The following DLGAP4 variants were observed in gnomAD, a reference collection of about 807,000 sequenced individuals.
DLGAP4 encodes disks large-associated protein 4.
DLGAP4 carries 18 observed loss-of-function variants against 86.9 expected under a neutral mutation model. The observed-to-expected ratio is 0.21, with a 90% CI of 0.14 to 0.31. The LOEUF (loss-of-function observed/expected upper bound fraction) is 0.31, where lower values mean the gene tolerates loss of function less well. DLGAP4 is among the 10% of genes least tolerant of loss of function. The pLI is 1.00. For missense variants in DLGAP4, 1,085 were observed against 1,362.6 expected (o/e 0.80, Z 3.21); for synonymous variants, 548 against 574.3 (o/e 0.95, Z 0.65).
chr20:36,435,870 T>C (rs571662582), intron 3 of DLGAP4, among the ~76,000 whole-genome samples: 1 of 152,274 alleles, frequency 6.6e-6, no homozygotes, highest in South Asian at 2.1e-4. Context: ...GCATTGCTTC[T>C]GGGGCAAACC....
chr20:36,484,752 G>C (rs1003069227), intron 7 of DLGAP4, among the ~76,000 whole-genome samples: 5 of 152,248 alleles, frequency 3.3e-5, no homozygotes, highest in African/African-American at 1.2e-4. Flanking sequence ...GAGCAAGGGA[G>C]GGGGCTGGAG....
rs367965734 is a variant in DLGAP4 at position 36,409,762 on chromosome 20, A to G, written c.-72-21884A>G. Among the ~76,000 whole-genome samples, 298 of 150,792 alleles carry G rather than the reference A, an allele frequency of 2.0e-3. 1 individual carries two copies. The highest frequency in any genetic ancestry group is 6.8e-3 in the African/African-American group (280 of 41,098). ...AAAAGCCCTCCTCCTGGCCGGGCGC[A>G]GTGGCTCAAGCCTGTAATCCCAGCA... On this transcript the variant is annotated intron_variant, in intron 2 of 12. Coordinates refer to ENST00000339266, the MANE Select transcript of DLGAP4 (RefSeq NM_001365621.2).
intron 1 of DLGAP4, among the ~76,000 whole-genome samples, chr20:36,339,765 T>A (rs1367754240): frequency 6.6e-6 from 1 of 152,050 alleles, no homozygotes; most frequent in Non-Finnish European, 1.5e-5. Context: ...GGACCAGCAG[T>A]GTGGCATTTG....
chr20:36,418,049 T>C (rs2032713580), intron 2 of DLGAP4, among the ~76,000 whole-genome samples: 2 of 151,114 alleles, frequency 1.3e-5, no homozygotes, highest in African/African-American at 4.9e-5. Flanking sequence ...CCTCCCAAAG[T>C]GCTGGGATTA....
At chr20:36,326,998 T>C (rs74584689) in intron 1 of DLGAP4, among the ~76,000 whole-genome samples, 4 of 118,886 alleles carry the variant, frequency 3.4e-5, no homozygotes, top group Admixed American at 8.0e-5. Flanking sequence ...GATTTTCTCT[T>C]TTTTTTTTTT....
At chr20:36,318,124 ACACACACAC>A (rs2065128706) in intron 1 of DLGAP4, among the ~76,000 whole-genome samples, 5 of 143,466 alleles carry the variant, frequency 3.5e-5, no homozygotes, top group Admixed American at 3.4e-4. Context: ...ACACACACAC[ACACACACAC>A]ACACACACAC....
intron 10 of DLGAP4, among the ~76,000 whole-genome samples, chr20:36,523,632 T>C (rs1304211971): frequency 6.6e-6 from 1 of 152,236 alleles, no homozygotes; most frequent in East Asian, 1.9e-4. Flanking sequence ...AGAAGAGTTC[T>C]GCTTCAGTTT....
chr20:36,487,011 T>C (rs1380286249), intron 7 of DLGAP4, among the ~76,000 whole-genome samples: 1 of 152,132 alleles, frequency 6.6e-6, no homozygotes, highest in East Asian at 1.9e-4. Context: ...GTGGGTAAGA[T>C]GGGCCATAGA....
Position 36,500,211 on chromosome 20 carries a change from C to A in DLGAP4, c.2112C>A (p.Pro704=). 1 of 1,550,036 alleles carries A rather than the reference C, an allele frequency of 6.5e-7. No homozygotes were observed. The stretch of plus-strand genomic sequence containing the variant: ...CCCCTACCCACAGAAGCAGCGTCCC[C>A]TCTCACAGTATGTCCTCCCGACGGG... ...QVEDDWRSSV[P]SHSMSSRRDT... The change falls in exon 10 of 13, where the codon CCC becomes CCA. Residue 704 remains proline, a synonymous_variant. Coordinates refer to ENST00000339266, the MANE Select transcript of DLGAP4 (RefSeq NM_001365621.2). This position sits in a 1 kb window ranked among gnomAD's most constrained non-coding sequence, Gnocchi z 4.6.
chr20:36,337,014 G>T (rs1270818958), intron 1 of DLGAP4, among the ~76,000 whole-genome samples: 1 of 152,232 alleles, frequency 6.6e-6, no homozygotes, highest in Non-Finnish European at 1.5e-5. Context: ...ATACGGCGGA[G>T]GAAGGCGGAG....
intron 2 of DLGAP4, among the ~76,000 whole-genome samples, chr20:36,401,697 G>A (rs2032166705): frequency 6.6e-6 from 1 of 152,210 alleles, no homozygotes; most frequent in African/African-American, 2.4e-5. Flanking sequence ...AATCTGGGAA[G>A]AGGGCAGCAA....
intron 1 of DLGAP4, among the ~76,000 whole-genome samples, chr20:36,318,788 A>G (rs1555890246): frequency 6.6e-6 from 1 of 152,158 alleles, no homozygotes; most frequent in Non-Finnish European, 1.5e-5. Flanking sequence ...TGTTCATAGC[A>G]GTGATTGTTG....
intron 2 of DLGAP4, among the ~76,000 whole-genome samples, chr20:36,429,361 G>A (rs1177633913): frequency 1.4e-5 from 2 of 148,000 alleles, no homozygotes; most frequent in African/African-American, 2.5e-5. Flanking sequence ...TTACAGATAT[G>A]AGAAACCATG....
chr20:36,521,179 T>A (rs1194217769), intron 10 of DLGAP4, among the ~76,000 whole-genome samples: 1 of 152,166 alleles, frequency 6.6e-6, no homozygotes, highest in Non-Finnish European at 1.5e-5. Flanking sequence ...GCTCTCGAAC[T>A]CCTGGCCTCG....
chr20:36,393,545 T>G lies in DLGAP4; in HGVS notation c.-73+26270T>G, dbSNP rs1194948471. Among the ~76,000 whole-genome samples, 1 of 150,972 alleles carries G rather than the reference T, an allele frequency of 6.6e-6. No individual in the cohort carries two copies. Among genetic ancestry groups the G allele is most frequent in the East Asian group, 2.0e-4 (1 of 5,108 alleles). Reference sequence around the variant, plus strand: ...ATTTCTGGACTTATTTCCCCTGAGGTCTCCACACCGAGCCCCTGGGGAGCA... The same window carrying G: ...ATTTCTGGACTTATTTCCCCTGAGGGCTCCACACCGAGCCCCTGGGGAGCA... On this transcript the variant is annotated intron_variant, in intron 2 of 12. Transcript: ENST00000339266. The surrounding 1 kb of genome is among the most constrained non-coding windows in gnomAD (Gnocchi z 4.4).
chr20:36,431,920 G>C lies in DLGAP4; in HGVS notation c.203G>C (p.Ser68Thr), dbSNP rs770428290. Residue 68 changes from serine (S) to threonine (T), a missense_variant, in exon 3 of 13, where the codon AGC becomes ACC. By Grantham distance (58) the Ser-to-Thr change is moderately conservative. This residue lies in a region of DLGAP4 where 1,082 missense variants were observed against 1,344.1 expected (regional missense o/e 0.81). Coordinates refer to ENST00000339266, the MANE Select transcript of DLGAP4 (RefSeq NM_001365621.2). This position sits in a 1 kb window ranked among gnomAD's most constrained non-coding sequence, Gnocchi z 5.1. ...FPLNNQLPPP[S>T]STFPRIHYNS... ...CTCAACAACCAGCTGCCCCCGCCCA[G>C]CAGCACCTTTCCCCGCATCCACTAC... 3 of 1,614,166 alleles carry C rather than the reference G, an allele frequency of 1.9e-6. No homozygotes were observed. The Admixed American group carries it at 5.0e-5, about 27-fold the overall frequency.
chr20:36,329,289 CCAAA>C lies in DLGAP4; in HGVS notation c.-304+22780_-304+22783del, dbSNP rs369890049. Among the ~76,000 whole-genome samples the C allele has an allele frequency of 4.3e-4, 66 of 152,262 alleles. 2 individuals are homozygous for C. The East Asian group carries it at 0.013, about 29-fold the overall frequency. On this transcript the variant is annotated intron_variant, in intron 1 of 12. Transcript: ENST00000339266. Reference sequence around the variant, plus strand: ...AAGAAAACAGTTCAGATTGTTGGAGCCAAACAGTCATGAGTTTGAACCTGGATGT... The same window carrying C: ...AAGAAAACAGTTCAGATTGTTGGAGCCAGTCATGAGTTTGAACCTGGATGT...
intron 7 of DLGAP4, among the ~76,000 whole-genome samples, chr20:36,490,494 T>C (rs140209890): frequency 1.3e-5 from 2 of 152,276 alleles, no homozygotes; most frequent in Non-Finnish European, 2.9e-5. Flanking sequence ...CCTCAGCCCT[T>C]CCACTAATGA....
intron 7 of DLGAP4, among the ~76,000 whole-genome samples, chr20:36,467,726 G>C (rs966590304): frequency 6.6e-6 from 1 of 152,238 alleles, no homozygotes; most frequent in Non-Finnish European, 1.5e-5. Flanking sequence ...CCAGCGCTCT[G>C]ATGGGCCAGA....
Sources: allele counts gnomAD v4.1 joint callset (sites outside exome capture counted in the v4.1 genomes callset), GRCh38; gene constraint gnomAD v4.1.1; regional missense constraint gnomAD v4.1.1; non-coding constraint Gnocchi (gnomAD v3.1); transcripts MANE v1.5; gene names NCBI Gene and HGNC (gene_info 2026-07-23, HGNC 2026-07-21).